Variants in SNTG2 observed in about 807,000 individuals in gnomAD.
SNTG2 encodes the protein gamma-2-syntrophin.
Under a neutral mutation model 70.9 loss-of-function variants are expected in SNTG2, and 74 were observed. The ratio of observed to expected loss-of-function variants is 1.04; its 90% CI spans 0.86 to 1.27. The LOEUF is 1.27. Ranked by LOEUF, SNTG2 falls within the 50% of genes most tolerant of loss-of-function variation. The pLI is 0.00. For synonymous variants in SNTG2, 278 were observed against 273.8 expected (o/e 1.02, Z -0.15); for missense variants, 717 against 690.7 (o/e 1.04, Z -0.43).
At chr2:1,189,869 A>C (rs1672472127) in intron 8 of SNTG2, among the ~76,000 whole-genome samples, 1 of 152,154 alleles carries the variant, frequency 6.6e-6, no homozygotes, top group Non-Finnish European at 1.5e-5. Context: ...TATATGGAAT[A>C]CTTCATATAA....
chr2:1,321,044 G>A (rs563240076), intron 16 of SNTG2, among the ~76,000 whole-genome samples: 1 of 152,316 alleles, frequency 6.6e-6, no homozygotes, highest in Non-Finnish European at 1.5e-5. Flanking sequence ...TGAAGAAGGA[G>A]CAAATTATTG....
At chr2:952,053 C>G (rs987645235) in intron 1 of SNTG2, among the ~76,000 whole-genome samples, 1 of 152,170 alleles carries the variant, frequency 6.6e-6, no homozygotes, top group African/African-American at 2.4e-5. Context: ...AAAAAGATTT[C>G]TATGTAGAGA....
intron 1 of SNTG2, among the ~76,000 whole-genome samples, chr2:1,018,846 C>T (rs1336444044): frequency 6.6e-6 from 1 of 152,202 alleles, no homozygotes; most frequent in African/African-American, 2.4e-5. Context: ...ATTACAGCCC[C>T]TGTTGGCTCT....
At chr2:1,052,752 A>G (rs78957789) in intron 1 of SNTG2, among the ~76,000 whole-genome samples, 14,324 of 152,200 alleles carry the variant, frequency 0.094, 825 homozygotes, top group Middle Eastern at 0.15. Flanking sequence ...GTGTTCCAAT[A>G]AAACTTGATT....
At chr2:1,089,030 G>T (rs551207220) in intron 2 of SNTG2, among the ~76,000 whole-genome samples, 2 of 152,194 alleles carry the variant, frequency 1.3e-5, no homozygotes, top group African/African-American at 2.4e-5. Context: ...TCACAGGTAC[G>T]GGGCTGAAGG....
At chr2:1,089,151 C>T (rs1664862298) in intron 2 of SNTG2, among the ~76,000 whole-genome samples, 1 of 152,168 alleles carries the variant, frequency 6.6e-6, no homozygotes, top group Non-Finnish European at 1.5e-5. Context: ...AGCAAAACAT[C>T]TAGAATTTAT....
chr2:1,161,989 G>T (rs2147847478), intron 6 of SNTG2, among the ~76,000 whole-genome samples: 1 of 148,262 alleles, frequency 6.7e-6, no homozygotes, highest in East Asian at 2.0e-4. Flanking sequence ...CAGGAGAATT[G>T]TGTGAACCCG....
intron 16 of SNTG2, among the ~76,000 whole-genome samples, chr2:1,340,301 CAG>C (rs1002821350): frequency 3.3e-5 from 5 of 152,212 alleles, no homozygotes; most frequent in Non-Finnish European, 7.3e-5. Flanking sequence ...TCTATGCAGA[CAG>C]AGGGTGGACT....
intron 1 of SNTG2, among the ~76,000 whole-genome samples, chr2:1,033,910 T>C (rs1660983199): frequency 6.6e-6 from 1 of 152,234 alleles, no homozygotes; most frequent in South Asian, 2.1e-4. Flanking sequence ...TAAATGAATG[T>C]GTTAAGTATA....
chr2:1,110,418 A>G (rs1666365396), intron 4 of SNTG2, among the ~76,000 whole-genome samples: 2 of 152,172 alleles, frequency 1.3e-5, no homozygotes, highest in African/African-American at 4.8e-5. Context: ...TTTCTGTGTT[A>G]AATTTATTTC....
chr2:1,316,056 C>T (rs1413465054), intron 15 of SNTG2, among the ~76,000 whole-genome samples: 1 of 151,914 alleles, frequency 6.6e-6, no homozygotes, highest in African/African-American at 2.4e-5. Context: ...GACTGTGGGG[C>T]GGGAGAGTTG....
chr2:1,032,955 G>T (rs146502571), intron 1 of SNTG2, among the ~76,000 whole-genome samples: 1 of 152,140 alleles, frequency 6.6e-6, no homozygotes, highest in Admixed American at 6.5e-5. Flanking sequence ...TTCCAATCGC[G>T]GCAGAATGCA....
At chr2:1,286,654 A>G (rs1679778113) in intron 14 of SNTG2, among the ~76,000 whole-genome samples, 1 of 152,226 alleles carries the variant, frequency 6.6e-6, no homozygotes, top group Non-Finnish European at 1.5e-5. Flanking sequence ...TGTCCATTCC[A>G]GTGAGGACAA....
chr2:1,366,284 T>C (rs1369908108), intron 16 of SNTG2, among the ~76,000 whole-genome samples: 1 of 151,994 alleles, frequency 6.6e-6, no homozygotes, highest in Non-Finnish European at 1.5e-5. Flanking sequence ...AGAATGGGGG[T>C]GGCAGGACGG....
At chr2:1,254,477 CAAT>C (rs1335412694) in intron 12 of SNTG2, among the ~76,000 whole-genome samples, 3 of 152,240 alleles carry the variant, frequency 2.0e-5, no homozygotes, top group South Asian at 4.2e-4. Context: ...ATTAATATAT[CAAT>C]GATGTAGCAA....
intron 1 of SNTG2, among the ~76,000 whole-genome samples, chr2:962,800 TTTGA>T (rs941595033): frequency 1.3e-5 from 2 of 152,164 alleles, no homozygotes; most frequent in African/African-American, 4.8e-5. Flanking sequence ...TGGCTTCTAA[TTTGA>T]TTGAGGAGAG....
chr2:1,049,946 T>C (rs2148075946), intron 1 of SNTG2, among the ~76,000 whole-genome samples: 1 of 152,372 alleles, frequency 6.6e-6, no homozygotes, highest in South Asian at 2.1e-4. Context: ...AATCATTTGA[T>C]GAGAAATCTA....
At chr2:1,091,230 C>A (rs1665004630) in intron 2 of SNTG2, among the ~76,000 whole-genome samples, 1 of 152,182 alleles carries the variant, frequency 6.6e-6, no homozygotes, top group Non-Finnish European at 1.5e-5. Flanking sequence ...TGGACAGACA[C>A]CCCTGCTCCT....
intron 9 of SNTG2, chr2:1,220,161 T>G (rs1050362612): frequency 2.0e-5 from 3 of 152,332 alleles, no homozygotes; most frequent in Admixed American, 6.5e-5. Context: ...TTACCCGGGC[T>G]TCCAGGGAGA....
Sources: gnomAD v4.1 joint callset for allele counts (sites outside exome capture counted in the v4.1 genomes callset) on GRCh38, gnomAD v4.1.1 for gene constraint, MANE v1.5 for transcripts, NCBI Gene and HGNC (gene_info 2026-07-23, HGNC 2026-07-21) for gene names.